FAM13A: variants seen among roughly 807,000 people sequenced by gnomAD.
FAM13A encodes family with sequence similarity 13 member A, also known as protein FAM13A.
Under a neutral mutation model 129.6 loss-of-function variants are expected in FAM13A, and 76 were observed. The ratio of observed to expected loss-of-function variants is 0.59; its 90% CI spans 0.49 to 0.71. FAM13A has a LOEUF of 0.71. FAM13A is among the 30% of genes least tolerant of loss of function. The pLI is 0.00. For synonymous variants in FAM13A, 443 were observed against 449.9 expected, an observed-to-expected ratio of 0.98 and a Z score of 0.20; for missense variants, 1,108 against 1,249.3, an observed-to-expected ratio of 0.89 and a Z score of 1.70.
chr4:88,926,443 T>C (rs543011290), intron 5 of FAM13A, among the ~76,000 whole-genome samples: 1 of 152,340 alleles, frequency 6.6e-6, no homozygotes, highest in East Asian at 1.9e-4. Flanking sequence ...TCAGCTTCTT[T>C]AACAAACAGT....
At chr4:89,031,449 T>C (rs983229941) in intron 1 of FAM13A, among the ~76,000 whole-genome samples, 2 of 152,160 alleles carry the variant, frequency 1.3e-5, no homozygotes, top group Non-Finnish European at 2.9e-5. Context: ...GCACAAGTCA[T>C]ATAACCTCTG....
chr4:88,872,813 C>T (rs1056744738), intron 6 of FAM13A, among the ~76,000 whole-genome samples: 3 of 152,190 alleles, frequency 2.0e-5, no homozygotes, highest in African/African-American at 4.8e-5. Flanking sequence ...CAGAACTCTC[C>T]ACCTCAAATC....
chr4:88,953,681 A>C (rs2148886277), intron 4 of FAM13A, among the ~76,000 whole-genome samples: 1 of 152,236 alleles, frequency 6.6e-6, no homozygotes, highest in South Asian at 2.1e-4. Context: ...TGTTTCTATG[A>C]ATTTTATGAT....
rs1741981627 is a variant in FAM13A, at chr4:88,749,007, A to G, written c.2106T>C (p.Asn702=). The G allele has an allele frequency of 6.2e-7, 1 of 1,613,690 alleles. No individual in the cohort carries two copies. The highest frequency in any genetic ancestry group is 1.7e-5 in the Admixed American group (1 of 59,998). ...YRPSHSDKAA[N]PEVLKWTNDL... is the part of the protein sequence containing the mutation. ...CATTTGTCCATTTCAGAACCTCCGG[A>G]TTGGCTGCTTTGTCACTGTGGGAAG... is the stretch of plus-strand genomic sequence containing the variant. Residue 702 remains asparagine (N), a synonymous_variant, in exon 17 of 24, where the codon AAT becomes AAC. Coordinates refer to ENST00000264344, the MANE Select transcript of FAM13A (RefSeq NM_014883.4).
At chr4:88,764,649 G>C (rs1578549986) in intron 13 of FAM13A, among the ~76,000 whole-genome samples, 1 of 152,120 alleles carries the variant, frequency 6.6e-6, no homozygotes, top group East Asian at 1.9e-4. Context: ...ATACACAGAA[G>C]AACAAAGACT....
chr4:89,053,002 G>A (rs1263130259), intron 1 of FAM13A, among the ~76,000 whole-genome samples: 1 of 152,120 alleles, frequency 6.6e-6, no homozygotes, highest in Non-Finnish European at 1.5e-5. Context: ...CTATTCTTCT[G>A]AGTAAACTAT....
chr4:88,896,458 T>A (rs1746349867), intron 6 of FAM13A, among the ~76,000 whole-genome samples: 1 of 152,208 alleles, frequency 6.6e-6, no homozygotes, highest in South Asian at 2.1e-4. Flanking sequence ...ATTAAGTTAT[T>A]TTAGGAACTG....
At chr4:88,800,408 G>C (rs1172778328) in intron 8 of FAM13A, among the ~76,000 whole-genome samples, 1 of 152,214 alleles carries the variant, frequency 6.6e-6, no homozygotes, top group East Asian at 1.9e-4. Context: ...ATTCTGGCCA[G>C]GCGCGGTGGC....
chr4:88,831,501 C>A (rs189334660), intron 7 of FAM13A, among the ~76,000 whole-genome samples: 1 of 152,040 alleles, frequency 6.6e-6, no homozygotes, highest in Non-Finnish European at 1.5e-5. Flanking sequence ...AAATACCAAG[C>A]GCAAGCATAA....
intron 5 of FAM13A, among the ~76,000 whole-genome samples, chr4:88,921,262 AGTT>A (rs980011722): frequency 1.3e-5 from 2 of 152,084 alleles, no homozygotes; most frequent in Non-Finnish European, 2.9e-5. Flanking sequence ...GATTCACCAA[AGTT>A]GAAATGAAGG....
At chr4:88,818,124 C>T (rs761203765) in intron 7 of FAM13A, among the ~76,000 whole-genome samples, 6 of 151,868 alleles carry the variant, frequency 4.0e-5, no homozygotes, top group African/African-American at 9.7e-5. Flanking sequence ...GCTGGGATTA[C>T]AGGAGCATGC....
chr4:88,887,530 C>T (rs560966803), intron 6 of FAM13A, among the ~76,000 whole-genome samples: 3 of 128,786 alleles, frequency 2.3e-5, no homozygotes, highest in South Asian at 2.5e-4. Flanking sequence ...ACCTTTCTTT[C>T]TTTCTTTTTT....
At chr4:88,791,444 C>G (rs1325792384) in intron 8 of FAM13A, among the ~76,000 whole-genome samples, 1 of 152,086 alleles carries the variant, frequency 6.6e-6, no homozygotes, top group African/African-American at 2.4e-5. Flanking sequence ...AGTGTTGAGG[C>G]TGGCAGCTAT....
intron 7 of FAM13A, among the ~76,000 whole-genome samples, chr4:88,830,493 C>T (rs1369796057): frequency 4.6e-5 from 7 of 152,120 alleles, no homozygotes; most frequent in Non-Finnish European, 2.9e-5. Context: ...ATAAAATCAT[C>T]ATAATTTAAT....
rs991817721 is a variant in FAM13A, at chr4:88,991,135, A to G, written c.443T>C (p.Val148Ala). The G allele has an allele frequency of 1.2e-6, 2 of 1,611,640 alleles. No homozygotes were observed. Among genetic ancestry groups the G allele is most frequent in the African/African-American group, 1.3e-5 (1 of 74,770 alleles). The change falls in exon 4 of 24, where the codon GTT becomes GCT. Residue 148 changes from valine to alanine, a missense_variant. Val to Ala is a moderately conservative substitution (Grantham distance 64, BLOSUM62 0). This residue lies in a region of FAM13A where 566 missense variants were observed against 595.7 expected (regional missense o/e 0.95). Transcript: ENST00000264344. ...IQLFQDGRND[V>A]QESSLRDLIK... is the part of the protein sequence containing the mutation. ...TAAGTCTCTTAAGCTACTCTCCTGAACATCATTTCTGCCATCTGGAAAAAA... is the reference window on the plus strand; with the variant it reads ...TAAGTCTCTTAAGCTACTCTCCTGAGCATCATTTCTGCCATCTGGAAAAAA...
intron 5 of FAM13A, among the ~76,000 whole-genome samples, chr4:88,924,697 G>C (rs1470521814): frequency 1.3e-5 from 2 of 152,056 alleles, no homozygotes; most frequent in African/African-American, 4.8e-5. Context: ...AGCCAAAATT[G>C]ACAAATGGGA....
chr4:88,796,405 G>T (rs892359966), intron 8 of FAM13A, among the ~76,000 whole-genome samples: 2 of 151,938 alleles, frequency 1.3e-5, no homozygotes. Context: ...TAAAGTAGCA[G>T]AAATGCTTGA....
intron 13 of FAM13A, among the ~76,000 whole-genome samples, chr4:88,767,087 T>C (rs977732459): frequency 6.6e-6 from 1 of 152,166 alleles, no homozygotes; most frequent in Non-Finnish European, 1.5e-5. Flanking sequence ...TGAGAGACTT[T>C]TCTTCTCCAA....
At chr4:88,769,707 C>T (rs1346063124) in intron 11 of FAM13A, among the ~76,000 whole-genome samples, 1 of 151,946 alleles carries the variant, frequency 6.6e-6, no homozygotes, top group African/African-American at 2.4e-5. Flanking sequence ...TGGCACGTGC[C>T]TGTAGTCCCA....
Sources: allele counts gnomAD v4.1 joint callset (sites outside exome capture counted in the v4.1 genomes callset), GRCh38; gene constraint gnomAD v4.1.1; regional missense constraint gnomAD v4.1.1; transcripts MANE v1.5; gene names NCBI Gene and HGNC (gene_info 2026-07-23, HGNC 2026-07-21).